Variants in STPG4 observed in about 807,000 individuals in gnomAD.
STPG4 encodes protein STPG4.
A neutral mutation model predicts 31.5 loss-of-function variants in STPG4; 41 were observed. The ratio of observed to expected loss-of-function variants is 1.30; its 90% CI spans 1.01 to 1.69. The LOEUF is 1.69. Ranked by LOEUF, STPG4 falls within the 40% of genes most tolerant of loss-of-function variation. The pLI, the probability that STPG4 is intolerant of heterozygous loss-of-function variation, is 0.00. For missense variants in STPG4, 375 were observed against 293.4 expected (o/e 1.28, Z -2.03); for synonymous variants, 141 against 103.0 (o/e 1.37, Z -2.24).
At chr2:47,149,518 A>C (rs1216610151) in intron 3 of STPG4, among the ~76,000 whole-genome samples, 1 of 152,256 alleles carries the variant, frequency 6.6e-6, no homozygotes, top group Admixed American at 6.5e-5. Flanking sequence ...TGAAGCAAAC[A>C]GGATAAGATA....
intron 5 of STPG4, among the ~76,000 whole-genome samples, chr2:47,099,708 C>G (rs1318372118): frequency 6.6e-6 from 1 of 152,250 alleles, no homozygotes; most frequent in African/African-American, 2.4e-5. Context: ...AGCCGGCTCC[C>G]TCAGCTTGCA....
chr2:47,097,801 G>A (rs1685702176), intron 5 of STPG4, among the ~76,000 whole-genome samples: 1 of 152,150 alleles, frequency 6.6e-6, no homozygotes, highest in African/African-American at 2.4e-5. Flanking sequence ...ATTCACAGAT[G>A]TCTGCATAGG....
chr2:47,141,397 T>C (rs2103794989), intron 3 of STPG4, among the ~76,000 whole-genome samples: 1 of 151,930 alleles, frequency 6.6e-6, no homozygotes, highest in East Asian at 1.9e-4. Context: ...ATTTCACCAA[T>C]ATCTTGTAAT....
At chr2:47,097,324 G>A (rs965203141) in intron 5 of STPG4, among the ~76,000 whole-genome samples, 11 of 152,182 alleles carry the variant, frequency 7.2e-5, no homozygotes, top group African/African-American at 2.2e-4. Flanking sequence ...CCCAGAAAGC[G>A]CACACGTTCT....
chr2:47,101,066 A>C (rs1265220577), intron 5 of STPG4, among the ~76,000 whole-genome samples: 1 of 151,866 alleles, frequency 6.6e-6, no homozygotes, highest in Non-Finnish European at 1.5e-5. Flanking sequence ...CAATGAGACC[A>C]TCACCTATCG....
intron 3 of STPG4, among the ~76,000 whole-genome samples, chr2:47,135,466 A>G (rs924754412): frequency 1.3e-5 from 2 of 152,196 alleles, no homozygotes; most frequent in African/African-American, 4.8e-5. Flanking sequence ...AGCTCACTGC[A>G]ACCTGCACCT....
At chr2:47,090,172 C>G (rs1476830813) in intron 6 of STPG4, 98 bp downstream of exon 6, 2 of 783,902 alleles carry the variant, frequency 2.6e-6, no homozygotes, top group East Asian at 5.4e-5. Context: ...CCCCATCTCA[C>G]CACCACCCCG....
chr2:47,136,537 T>C (rs995147786), intron 3 of STPG4, among the ~76,000 whole-genome samples: 1 of 152,250 alleles, frequency 6.6e-6, no homozygotes, highest in African/African-American at 2.4e-5. Context: ...AAGTATGTCA[T>C]CTTTCGGCGT....
At chr2:47,142,836 C>CTTTT (rs10686388) in intron 3 of STPG4, among the ~76,000 whole-genome samples, 1,254 of 73,722 alleles carry the variant, frequency 0.017, 27 homozygotes, top group Middle Eastern at 0.037. Flanking sequence ...TTTATCTCAT[C>CTTTT]TTTTTTTTTT....
At chr2:47,151,110 C>T in intron 3 of STPG4, 148 bp downstream of exon 3, 1 of 1,000,240 alleles carries the variant, frequency 1.0e-6, no homozygotes, top group Non-Finnish European at 1.4e-6. Context: ...GCAAATCAGG[C>T]AGTCCTTGTT....
chr2:47,139,523 CT>C (rs1040138692), intron 3 of STPG4, among the ~76,000 whole-genome samples: 1 of 152,052 alleles, frequency 6.6e-6, no homozygotes, highest in African/African-American at 2.4e-5. Flanking sequence ...CTGGTCCCCC[CT>C]GTTGCCAGCA....
intron 5 of STPG4, among the ~76,000 whole-genome samples, chr2:47,123,952 C>G (rs1014526110): frequency 6.6e-6 from 1 of 151,830 alleles, no homozygotes; most frequent in African/African-American, 2.4e-5. Flanking sequence ...TACAAACATG[C>G]CAATTATACT....
intron 5 of STPG4, among the ~76,000 whole-genome samples, chr2:47,115,652 C>CTTT (rs70940657): frequency 0.089 from 10,086 of 113,188 alleles, 1,113 homozygotes; most frequent in Non-Finnish European, 0.11. Context: ...ACATTAAAGG[C>CTTT]TTTTTTTTTT....
intron 5 of STPG4, among the ~76,000 whole-genome samples, chr2:47,119,090 CCA>C (rs767651084): frequency 2.0e-5 from 3 of 152,140 alleles, no homozygotes; most frequent in East Asian, 3.8e-4. Flanking sequence ...TGCTTCTTTA[CCA>C]CACCCACACT....
intron 5 of STPG4, among the ~76,000 whole-genome samples, chr2:47,117,890 A>G (rs943141265): frequency 6.6e-6 from 1 of 151,774 alleles, no homozygotes; most frequent in Non-Finnish European, 1.5e-5. Flanking sequence ...ATCAGGGGGA[A>G]GTTGTCACTT....
intron 3 of STPG4, among the ~76,000 whole-genome samples, chr2:47,133,868 C>T (rs902537896): frequency 1.1e-4 from 16 of 152,064 alleles, no homozygotes; most frequent in South Asian, 6.2e-4. Context: ...TGAGACACAG[C>T]GCCCGGCCAG....
At chr2:47,130,286 A>G (rs1686451010) in intron 3 of STPG4, 26 bp from the exon 4 acceptor site, 1 of 1,588,346 alleles carries the variant, frequency 6.3e-7, no homozygotes, top group South Asian at 1.1e-5. Flanking sequence ...AAGGACACCA[A>G]TAGATTAATA....
At chr2:47,134,987 G>A (rs1403850103) in intron 3 of STPG4, among the ~76,000 whole-genome samples, 1 of 152,098 alleles carries the variant, frequency 6.6e-6, no homozygotes, top group African/African-American at 2.4e-5. Flanking sequence ...TTTGACATCT[G>A]TATGTCTTCT....
chr2:47,111,913 C>T (rs1024009314), intron 5 of STPG4, among the ~76,000 whole-genome samples: 3 of 152,160 alleles, frequency 2.0e-5, no homozygotes, highest in Non-Finnish European at 4.4e-5. Flanking sequence ...TGTTTCTCCA[C>T]CTACACTGGG....
Sources: allele counts gnomAD v4.1 joint callset (sites outside exome capture counted in the v4.1 genomes callset), GRCh38; gene constraint gnomAD v4.1.1; transcripts MANE v1.5; gene names NCBI Gene and HGNC (gene_info 2026-07-23, HGNC 2026-07-21).